The following CRISPLD2 variants were observed in gnomAD, a reference collection of about 807,000 sequenced individuals.
CRISPLD2 encodes cysteine-rich secretory protein LCCL domain-containing 2.
Under a neutral mutation model 71.1 loss-of-function variants are expected in CRISPLD2, and 47 were observed. That is an observed-to-expected ratio of 0.66 (90% CI 0.52 to 0.84). The LOEUF (loss-of-function observed/expected upper bound fraction) is 0.84, where lower values mean the gene tolerates loss of function less well. Ranked by LOEUF, CRISPLD2 falls within the 40% of genes least tolerant of loss-of-function variation. The pLI, the probability that CRISPLD2 is intolerant of heterozygous loss-of-function variation, is 0.00. For synonymous variants in CRISPLD2, 317 were observed against 250.1 expected, an observed-to-expected ratio of 1.27 and a Z score of -2.52; for missense variants, 830 against 651.1, an observed-to-expected ratio of 1.27 and a Z score of -2.99.
intron 1 of CRISPLD2, among the ~76,000 whole-genome samples, chr16:84,832,630 T>C (rs189886239): frequency 6.6e-6 from 1 of 152,336 alleles, no homozygotes; most frequent in Admixed American, 6.5e-5. Flanking sequence ...TGAGCAGGAA[T>C]TCATCTCCCT....
At position 84,895,265 on chromosome 16, in the gene CRISPLD2, T is replaced by G. The variant is rs540693918; in HGVS notation, c.1439+5902T>G. Among the ~76,000 whole-genome samples the G allele has an allele frequency of 3.9e-5, 6 of 152,298 alleles. No individual in the cohort carries two copies. The South Asian group carries it at 1.2e-3, about 32-fold the overall frequency. ...AGCTGGGACTCAAACCTAGGCCGCC[T>G]GTACCAGAATCCATGCTTTTAAGCA... On this transcript the variant is annotated intron_variant, in intron 14 of 14. Transcript: ENST00000262424.
intron 13 of CRISPLD2, among the ~76,000 whole-genome samples, chr16:84,884,876 G>A (rs1012265817): frequency 6.6e-6 from 1 of 152,218 alleles, no homozygotes; most frequent in African/African-American, 2.4e-5. Flanking sequence ...TCTCAACCAG[G>A]AGGGTGCCCC....
At chr16:84,878,036 C>T (rs1214053464) in intron 12 of CRISPLD2, among the ~76,000 whole-genome samples, 1 of 147,534 alleles carries the variant, frequency 6.8e-6, no homozygotes, top group African/African-American at 2.6e-5. Flanking sequence ...CGGTGAAACC[C>T]CGTCTCTACT....
Position 84,866,988 on chromosome 16 carries a change from G to A in CRISPLD2, c.801G>A (p.Pro267=), listed in dbSNP as rs1452150186. Residue 267 remains proline (P), a synonymous_variant, in exon 7 of 15, where the codon CCG becomes CCA. Coordinates refer to ENST00000262424, the MANE Select transcript of CRISPLD2 (RefSeq NM_031476.4). The part of the protein sequence containing the change: ...IPEENHVWLQ[P]RVMRPTKPKK... ...AAGAAAACCATGTTTGGCTCCAACC[G>A]AGGGTGATGAGACCCACCAAGCCCA... 5.0e-6 allele frequency: 8 copies of A among 1,613,886 alleles called. No homozygotes were observed. The Admixed American group carries it at 5.0e-5, about 10-fold the overall frequency.
Position 84,880,548 on chromosome 16 carries a change from C to T in CRISPLD2, c.1269C>T (p.Tyr423=). 3 of 1,613,970 alleles carry T rather than the reference C, an allele frequency of 1.9e-6. No homozygotes were observed. The highest frequency in any genetic ancestry group is 2.5e-6 in the Non-Finnish European group (3 of 1,179,902). The change falls in exon 13 of 15, where the codon TAC becomes TAT. Residue 423 remains tyrosine (Y), a synonymous_variant. Transcript: ENST00000262424. ...CACACTGCAAAGACGAACCTTCCTA[C>T]TGGGCTCCGGTGTTTGGAACCAACA... ...CPAHCKDEPS[Y]WAPVFGTNIY... is the part of the protein sequence containing the mutation.
chr16:84,849,382 C>T lies in CRISPLD2; in HGVS notation c.360-3C>T. The T allele has an allele frequency of 6.2e-7, 1 of 1,611,722 alleles. No individual in the cohort carries two copies. On this transcript the variant is annotated splice_region_variant and splice_polypyrimidine_tract_variant and intron_variant, in intron 3 of 14. Coordinates refer to ENST00000262424, the MANE Select transcript of CRISPLD2 (RefSeq NM_031476.4). Reference sequence around the variant, plus strand: ...GACTGAGTGAGCGGTTTCTGCCCTGCAGGTATCGCTCTCCGGGGTTCCATG... The same window carrying T: ...GACTGAGTGAGCGGTTTCTGCCCTGTAGGTATCGCTCTCCGGGGTTCCATG...
intron 8 of CRISPLD2, among the ~76,000 whole-genome samples, chr16:84,869,974 T>G (rs992893270): frequency 6.6e-6 from 1 of 152,226 alleles, no homozygotes; most frequent in Non-Finnish European, 1.5e-5. Flanking sequence ...GGCAAGAATC[T>G]GTCCACACAA....
rs117402363 is a variant in CRISPLD2 at position 84,858,689 on chromosome 16, C to G, written c.709+3860C>G. ...GTTCTCTCTGAATCAGATTATGACA[C>G]AAAGCTGGAGAATTGATATACCCCT... On this transcript the variant is annotated intron_variant, in intron 6 of 14. Coordinates refer to ENST00000262424, the MANE Select transcript of CRISPLD2 (RefSeq NM_031476.4). Among the ~76,000 whole-genome samples the G allele has an allele frequency of 5.7e-3, 864 of 152,298 alleles. 2 individuals are homozygous for G. Among genetic ancestry groups the G allele is most frequent in the Middle Eastern group, 0.01 (3 of 294 alleles).
chr16:84,839,343 G>A (rs1916711421), intron 2 of CRISPLD2: 2 of 238,592 alleles, frequency 8.4e-6, no homozygotes, highest in South Asian at 5.1e-5. Flanking sequence ...CCAGGGCTGG[G>A]CTTTGCTGAT....
intron 13 of CRISPLD2, among the ~76,000 whole-genome samples, chr16:84,887,458 G>C (rs954218135): frequency 1.4e-4 from 21 of 152,240 alleles, no homozygotes; most frequent in Non-Finnish European, 3.1e-4. Context: ...AACGGGTCCA[G>C]CTTTTCATCT....
chr16:84,842,304 C>G (rs1916793469), intron 2 of CRISPLD2: 3 of 146,452 alleles, frequency 2.0e-5, no homozygotes, highest in African/African-American at 7.5e-5. Context: ...CCCCGCCTGC[C>G]TGCCTGCCCG....
In CRISPLD2 at chr16:84,863,997, AAAAAG is replaced by A. The variant is rs3028116; in HGVS notation, c.710-2886_710-2882del. ...AAAAGAAAGAAAGAGAGAGAGAAAA[AAAAAG>A]AAAAGAAAAGAAAGAAAAATGCATG... On this transcript the variant is annotated intron_variant, in intron 6 of 14. Coordinates refer to ENST00000262424, the MANE Select transcript of CRISPLD2 (RefSeq NM_031476.4). 5.8e-3 allele frequency among the ~76,000 whole-genome samples: 840 copies of A among 146,004 alleles called. 3 individuals are homozygous for A. Among genetic ancestry groups the A allele is most frequent in the Admixed American group, 0.015 (213 of 14,566 alleles).
intron 11 of CRISPLD2, among the ~76,000 whole-genome samples, 166 bp from the exon 12 acceptor site, chr16:84,877,272 G>GC (rs1390376601): frequency 6.6e-6 from 1 of 152,184 alleles, no homozygotes; most frequent in Non-Finnish European, 1.5e-5. Context: ...TCTCTTAAGT[G>GC]CCCCTACGTG....
intron 13 of CRISPLD2, chr16:84,880,806 A>G (rs2071561980): frequency 2.7e-6 from 1 of 372,824 alleles, no homozygotes; most frequent in Non-Finnish European, 4.9e-6. Context: ...CCCAGGTTCA[A>G]ACGATTCTTG....
At chr16:84,837,887 C>G (rs551653467) in intron 1 of CRISPLD2, among the ~76,000 whole-genome samples, 2 of 152,280 alleles carry the variant, frequency 1.3e-5, no homozygotes, top group African/African-American at 4.8e-5. Context: ...GCAGCTGTGT[C>G]TTAGTGTGCA....
At chr16:84,871,407 T>C (rs1226658515) in intron 8 of CRISPLD2, among the ~76,000 whole-genome samples, 1 of 152,070 alleles carries the variant, frequency 6.6e-6, no homozygotes, top group African/African-American at 2.4e-5. Flanking sequence ...GGTGTGGTTG[T>C]GCACACCTGT....
intron 1 of CRISPLD2, among the ~76,000 whole-genome samples, chr16:84,825,567 C>G (rs1429895895): frequency 2.0e-5 from 3 of 152,074 alleles, no homozygotes; most frequent in African/African-American, 7.2e-5. Flanking sequence ...ACCAGCCTGG[C>G]TAACATGGCA....
At chr16:84,878,244 A>G (rs1218041989) in intron 12 of CRISPLD2, among the ~76,000 whole-genome samples, 1 of 152,002 alleles carries the variant, frequency 6.6e-6, no homozygotes, top group Admixed American at 6.6e-5. Flanking sequence ...AAAAGTACAC[A>G]ATGTGTTTTG....
chr16:84,858,379 A>G (rs1917296979), intron 6 of CRISPLD2, among the ~76,000 whole-genome samples: 1 of 152,190 alleles, frequency 6.6e-6, no homozygotes, highest in Admixed American at 6.6e-5. Context: ...TTGGCCCACT[A>G]GGCGTTGTGC....
Sources: allele counts gnomAD v4.1 joint callset (sites outside exome capture counted in the v4.1 genomes callset), GRCh38; gene constraint gnomAD v4.1.1; transcripts MANE v1.5; gene names NCBI Gene and HGNC (gene_info 2026-07-23, HGNC 2026-07-21).